The following GSTZ1 variants were observed in gnomAD, a reference collection of about 807,000 sequenced individuals.
GSTZ1 encodes maleylacetoacetate isomerase.
Under a neutral mutation model 35.9 loss-of-function variants are expected in GSTZ1, and 34 were observed. The ratio of observed to expected loss-of-function variants is 0.95; its 90% confidence interval spans 0.72 to 1.26. The LOEUF is 1.26. GSTZ1 is among the 50% of genes most tolerant of loss of function. The probability of loss-of-function intolerance (pLI) is 0.00; values close to 1 mark genes in which losing one functional copy is unlikely to be tolerated. For synonymous variants in GSTZ1, 93 were observed against 101.2 expected, an observed-to-expected ratio of 0.92 and a Z score of 0.49; for missense variants, 263 against 271.7, an observed-to-expected ratio of 0.97 and a Z score of 0.23.
chr14:77,327,156 G>A, intron 3 of GSTZ1: 1 of 591,574 alleles, frequency 1.7e-6, no homozygotes, highest in East Asian at 2.8e-5. Flanking sequence ...TGGGAGGGTG[G>A]GTGGCTAGTG....
chr14:77,326,986 T>A, intron 3 of GSTZ1, 81 bp downstream of exon 3: 1 of 945,418 alleles, frequency 1.1e-6, no homozygotes, highest in East Asian at 2.6e-5. Flanking sequence ...GGGGAGGCTC[T>A]GCCCCAGAGA....
At chr14:77,325,035 A>G in intron 2 of GSTZ1, 114 bp downstream of exon 2, 1 of 829,766 alleles carries the variant, frequency 1.2e-6, no homozygotes, top group Non-Finnish European at 2.1e-6. Flanking sequence ...AGAGGACCTC[A>G]CCCCCAGCAA....
In GSTZ1 at chr14:77,328,910, C is replaced by T. The variant is rs956305267; in HGVS notation, c.343-213C>T. ...AGAATCACGTGGCTTTTTGAGGCCA[C>T]TGGGGCAGCCTGCAAAGGTGGCTGC... On this transcript the variant is annotated intron_variant, in intron 5 of 8. Transcript: ENST00000216465. 2.7e-5 allele frequency: 16 copies of T among 592,246 alleles called. No homozygotes were observed. The African/African-American group carries it at 2.8e-4, about 10-fold the overall frequency. The allele number at this position is 592,246 out of a possible 1,614,324, so 36.7% of individuals were successfully genotyped here. A position where few individuals can be genotyped will look rare whatever the true frequency, so the allele number is the denominator to read the frequency against.
intron 5 of GSTZ1, 169 bp downstream of exon 5, chr14:77,328,206 A>G (rs983232744): frequency 1.0e-5 from 7 of 688,884 alleles, no homozygotes; most frequent in Non-Finnish European, 1.7e-5. Context: ...GCAATCTCAG[A>G]ATTCAGCCCC....
intron 1 of GSTZ1, chr14:77,321,616 G>T: frequency 1.0e-6 from 1 of 957,662 alleles, no homozygotes; most frequent in Non-Finnish European, 1.3e-6. Context: ...GGGCGCGGTG[G>T]CTCACGCCTG....
In GSTZ1 at chr14:77,321,663, C is replaced by A; in HGVS notation, c.15+480C>A. On this transcript the variant is annotated intron_variant, in intron 1 of 8. Coordinates refer to ENST00000216465, the MANE Select transcript of GSTZ1 (RefSeq NM_145870.3). ...CTTTGGGAGGCCGAGGCGGGCGGAT[C>A]ACAAGGTCAGGAGATAGAGACCATC... 1.4e-5 allele frequency: 6 copies of A among 439,356 alleles called. No individual in the cohort carries two copies. In the South Asian group the frequency reaches 1.4e-4, roughly 10 times the overall value. 27.2% of individuals were successfully genotyped at this position (439,356 alleles called of 1,614,324 possible).
chr14:77,327,432 A>AG (rs1157193066), intron 3 of GSTZ1, 40 bp from the exon 4 acceptor site: 1 of 1,353,068 alleles, frequency 7.4e-7, no homozygotes, highest in Admixed American at 1.8e-5. Flanking sequence ...TGGCCAACTC[A>AG]GGCCAGGCCA....
chr14:77,331,031 C>A, intron 8 of GSTZ1, 38 bp from the exon 9 acceptor site: 1 of 1,601,928 alleles, frequency 6.2e-7, no homozygotes, highest in Non-Finnish European at 8.5e-7. Context: ...CCCTGTGTCC[C>A]TGAAAACCTT....
At chr14:77,324,667 T>A in intron 1 of GSTZ1, 1 of 1,386,344 alleles carries the variant, frequency 7.2e-7, no homozygotes, top group Non-Finnish European at 9.9e-7. Flanking sequence ...GGGGGCCTCT[T>A]GGACCTCAGG....
At chr14:77,327,863 T>C in intron 4 of GSTZ1, 49 bp from the exon 5 acceptor site, 2 of 1,597,060 alleles carry the variant, frequency 1.3e-6, no homozygotes, top group Non-Finnish European at 1.7e-6. Flanking sequence ...TCCCCTCTGG[T>C]CCAGGGGTCC....
chr14:77,324,324 T>G, intron 1 of GSTZ1: 1 of 460,818 alleles, frequency 2.2e-6, no homozygotes, highest in Non-Finnish European at 4.0e-6. Context: ...TTTTTGTATT[T>G]TCAGTAGAGA....
At chr14:77,328,235 C>G in intron 5 of GSTZ1, 198 bp downstream of exon 5, 1 of 595,826 alleles carries the variant, frequency 1.7e-6, no homozygotes, top group Non-Finnish European at 2.9e-6. Context: ...TCCCCCGCTG[C>G]GTTCCGAGAA....
chr14:77,321,123 G>A lies in GSTZ1; in HGVS notation c.-46G>A. 1.4e-6 allele frequency: 2 copies of A among 1,444,058 alleles called. No individual in the cohort carries two copies. The highest frequency in any genetic ancestry group is 1.8e-6 in the Non-Finnish European group (2 of 1,093,572). 89.5% of individuals were successfully genotyped at this position (1,444,058 alleles called of 1,614,324 possible). On this transcript the variant is annotated 5_prime_UTR_variant, in exon 1 of 9. Coordinates refer to ENST00000216465, the MANE Select transcript of GSTZ1 (RefSeq NM_145870.3). ...AGCCTTAGTCGTCGGCAGGTCCCAG[G>A]CGCGAAGTTTCTCGGCCTGGAGGAG...
chr14:77,329,641 C>G, intron 6 of GSTZ1, 114 bp from the exon 7 acceptor site: 1 of 802,492 alleles, frequency 1.2e-6, no homozygotes, highest in Non-Finnish European at 2.2e-6. Context: ...AGCAGCCATG[C>G]CCAGTCTGTC....
At chr14:77,328,886 G>C (rs767158714) in intron 5 of GSTZ1, 5 of 577,400 alleles carry the variant, frequency 8.7e-6, no homozygotes, top group Non-Finnish European at 1.6e-5. Flanking sequence ...ATCTCTGACA[G>C]AATCACGTGG....
intron 1 of GSTZ1, chr14:77,324,235 C>T: frequency 4.2e-6 from 1 of 237,448 alleles, no homozygotes; most frequent in Non-Finnish European, 8.5e-6. Flanking sequence ...CTCCACCTCT[C>T]AGGTTCAAGC....
chr14:77,330,958 G>A, intron 8 of GSTZ1, 111 bp from the exon 9 acceptor site: 1 of 1,028,410 alleles, frequency 9.7e-7, no homozygotes, highest in East Asian at 2.4e-5. Context: ...TCCTTCCCTG[G>A]ACAGCTCCCT....
intron 1 of GSTZ1, 51 bp downstream of exon 1, chr14:77,321,234 C>A: frequency 6.5e-7 from 1 of 1,535,224 alleles, no homozygotes; most frequent in South Asian, 1.2e-5. Flanking sequence ...ACCTGGAGAC[C>A]CTGGGGGGCG....
In GSTZ1 at chr14:77,324,612, A is replaced by G. The variant is rs1489618165; in HGVS notation, c.16-258A>G. The G allele has an allele frequency of 2.0e-6, 3 of 1,533,448 alleles. No homozygotes were observed. The South Asian group carries it at 3.6e-5, about 18-fold the overall frequency. The allele number at this position is 1,533,448 out of a possible 1,614,324, so 95.0% of individuals were successfully genotyped here. ...GAGGGTCACCACGATACCATGACAG[A>G]GTCTGGCAAGGTATGGAAGGCACTC... On this transcript the variant is annotated intron_variant, in intron 1 of 8. Coordinates refer to ENST00000216465, the MANE Select transcript of GSTZ1 (RefSeq NM_145870.3).
Sources: gnomAD v4.1 joint callset for allele counts on GRCh38, gnomAD v4.1.1 for gene constraint, MANE v1.5 for transcripts, NCBI Gene and HGNC (gene_info 2026-07-23, HGNC 2026-07-21) for gene names.